Variants in LDLRAD3 observed in about 807,000 individuals in gnomAD.
LDLRAD3 encodes the protein low density lipoprotein receptor class A domain containing 3.
In LDLRAD3, 20 loss-of-function variants were observed where a neutral mutation model predicts 29.4. The observed-to-expected ratio is 0.68, with a 90% CI of 0.48 to 0.99. The LOEUF (loss-of-function observed/expected upper bound fraction) is 0.99, where lower values mean the gene tolerates loss of function less well. Ranked by LOEUF, LDLRAD3 falls within the 50% of genes least tolerant of loss-of-function variation. LDLRAD3 has a pLI of 0.00. For missense variants in LDLRAD3, 420 were observed against 454.3 expected, an observed-to-expected ratio of 0.92 and a Z score of 0.69; for synonymous variants, 157 against 192.7, an observed-to-expected ratio of 0.81 and a Z score of 1.53.
chr11:36,190,094 A>G (rs1854919396), intron 4 of LDLRAD3, among the ~76,000 whole-genome samples: 1 of 151,754 alleles, frequency 6.6e-6, no homozygotes, highest in Non-Finnish European at 1.5e-5. Flanking sequence ...GAGGAGGAGA[A>G]AGAGGAGAAA....
rs71044557 is a variant in LDLRAD3 at position 36,191,599 on chromosome 11, T to TAC, written c.455-35463_455-35462dup. ...CTCTATATATATATATATATATATA[T>TAC]ACACACACACACACACACACACACG... On this transcript the variant is annotated intron_variant, in intron 4 of 5. Coordinates refer to ENST00000315571, the MANE Select transcript of LDLRAD3 (RefSeq NM_174902.4). Among the ~76,000 whole-genome samples, 243 of 93,084 alleles carry TAC rather than the reference T, an allele frequency of 2.6e-3. 3 individuals are homozygous for TAC. The highest frequency in any genetic ancestry group is 0.017 in the Middle Eastern group (3 of 178). The allele number at this position is 93,084 out of a possible 152,430, so 61.1% of individuals were successfully genotyped here. A position where few individuals can be genotyped will look rare whatever the true frequency, so the allele number is the denominator to read the frequency against.
chr11:36,103,331 G>A (rs1853478299), intron 4 of LDLRAD3, among the ~76,000 whole-genome samples: 1 of 146,504 alleles, frequency 6.8e-6, no homozygotes, highest in Non-Finnish European at 1.5e-5. Flanking sequence ...TCCACCTCCC[G>A]GGTTCACACC....
intron 1 of LDLRAD3, among the ~76,000 whole-genome samples, chr11:35,958,694 C>T (rs778046629): frequency 2.0e-5 from 3 of 152,118 alleles, no homozygotes; most frequent in Non-Finnish European, 4.4e-5. Context: ...TTCTTCAGTC[C>T]ACCTTTTCCC....
At chr11:36,189,389 C>CAGGA in intron 4 of LDLRAD3, among the ~76,000 whole-genome samples, 1 of 151,950 alleles carries the variant, frequency 6.6e-6, no homozygotes, top group East Asian at 1.9e-4. Context: ...GAGGCTGAGG[C>CAGGA]AGGAGAATTG....
At chr11:36,084,644 T>G (rs1364519056) in intron 3 of LDLRAD3, among the ~76,000 whole-genome samples, 1 of 152,202 alleles carries the variant, frequency 6.6e-6, no homozygotes, top group South Asian at 2.1e-4. Context: ...TACCAGCTAA[T>G]AGAAGAATAA....
intron 1 of LDLRAD3, among the ~76,000 whole-genome samples, chr11:35,986,908 A>G (rs926529309): frequency 7.9e-5 from 12 of 152,216 alleles, no homozygotes; most frequent in Non-Finnish European, 1.5e-4. Context: ...CATTTACTAG[A>G]GAAAATGAAG....
At chr11:36,101,953 A>T (rs575265595) in intron 4 of LDLRAD3, 4 of 260,438 alleles carry the variant, frequency 1.5e-5, no homozygotes, top group South Asian at 1.3e-4. Context: ...CAGTGGCACA[A>T]TCTCGGCTCA....
intron 1 of LDLRAD3, among the ~76,000 whole-genome samples, chr11:36,028,720 GA>G (rs1852198174): frequency 6.6e-6 from 1 of 152,012 alleles, no homozygotes; most frequent in Admixed American, 6.5e-5. Context: ...CAATGATTAT[GA>G]AAATATTTTG....
At chr11:35,988,620 A>G (rs963577418) in intron 1 of LDLRAD3, among the ~76,000 whole-genome samples, 15 of 149,418 alleles carry the variant, frequency 1.0e-4, no homozygotes, top group African/African-American at 2.7e-4. Context: ...GTCTTGCTCT[A>G]TCACCCAGGC....
At chr11:36,017,837 A>T (rs1852043737) in intron 1 of LDLRAD3, among the ~76,000 whole-genome samples, 1 of 152,122 alleles carries the variant, frequency 6.6e-6, no homozygotes, top group Non-Finnish European at 1.5e-5. Context: ...GTTTCATTTA[A>T]TACAGTTCTT....
At chr11:36,137,564 T>G (rs1854021437) in intron 4 of LDLRAD3, among the ~76,000 whole-genome samples, 2 of 152,204 alleles carry the variant, frequency 1.3e-5, no homozygotes, top group African/African-American at 4.8e-5. Flanking sequence ...CCTGGATGAC[T>G]TAAATTGGTT....
At chr11:36,121,406 G>A (rs1381366854) in intron 4 of LDLRAD3, among the ~76,000 whole-genome samples, 1 of 152,012 alleles carries the variant, frequency 6.6e-6, no homozygotes, top group Non-Finnish European at 1.5e-5. Flanking sequence ...GAGCCACAGA[G>A]CTGATATTTC....
chr11:35,998,988 G>T (rs530364238), intron 1 of LDLRAD3, among the ~76,000 whole-genome samples: 2 of 152,316 alleles, frequency 1.3e-5, no homozygotes, highest in Non-Finnish European at 2.9e-5. Context: ...CACATTTAAT[G>T]AGGGCCAACT....
At chr11:36,135,807 G>A (rs986325506) in intron 4 of LDLRAD3, among the ~76,000 whole-genome samples, 1 of 152,190 alleles carries the variant, frequency 6.6e-6, no homozygotes, top group South Asian at 2.1e-4. Flanking sequence ...CTACTCAGGA[G>A]GCTGAGGCAG....
At chr11:36,064,594 A>G (rs923542224) in intron 2 of LDLRAD3, among the ~76,000 whole-genome samples, 25 of 147,274 alleles carry the variant, frequency 1.7e-4, no homozygotes, top group Admixed American at 7.0e-5. Context: ...TGCTGGGATT[A>G]CAGGCATGAG....
chr11:35,950,987 G>A (rs1425221467), intron 1 of LDLRAD3, among the ~76,000 whole-genome samples: 1 of 152,048 alleles, frequency 6.6e-6, no homozygotes, highest in Non-Finnish European at 1.5e-5. Flanking sequence ...GGAGGCTGAG[G>A]CAGGAGAATC....
intron 4 of LDLRAD3, chr11:36,196,720 G>A (rs1414512250): frequency 6.6e-6 from 1 of 152,132 alleles, no homozygotes; most frequent in East Asian, 1.9e-4. Flanking sequence ...ATGCACGTGG[G>A]GCTCTTCAGC....
chr11:36,068,644 G>A (rs1852837681), intron 2 of LDLRAD3, among the ~76,000 whole-genome samples: 1 of 152,136 alleles, frequency 6.6e-6, no homozygotes, highest in Non-Finnish European at 1.5e-5. Context: ...AACCTCCCGA[G>A]TAGCTGGGAC....
intron 1 of LDLRAD3, among the ~76,000 whole-genome samples, chr11:35,953,679 T>G (rs139105032): frequency 6.6e-6 from 1 of 152,158 alleles, no homozygotes; most frequent in Non-Finnish European, 1.5e-5. Flanking sequence ...TCTTGATTGA[T>G]TTGGAAAGTT....
Sources: gnomAD v4.1 joint callset for allele counts (sites outside exome capture counted in the v4.1 genomes callset) on GRCh38, gnomAD v4.1.1 for gene constraint, MANE v1.5 for transcripts, NCBI Gene and HGNC (gene_info 2026-07-23, HGNC 2026-07-21) for gene names.